Variants in STING1 observed in about 807,000 individuals in gnomAD.
STING1 encodes the protein stimulator of interferon response cGAMP interactor 1, also known as stimulator of interferon genes protein.
In STING1, 19 loss-of-function variants were observed where a neutral mutation model predicts 31.6. That is an observed-to-expected ratio of 0.60 (90% CI 0.42 to 0.88). The LOEUF (loss-of-function observed/expected upper bound fraction) is 0.88, where lower values mean the gene tolerates loss of function less well. STING1 is among the 40% of genes least tolerant of loss of function. The probability of loss-of-function intolerance (pLI) is 0.00; values close to 1 mark genes in which losing one functional copy is unlikely to be tolerated. For missense variants in STING1, 371 were observed against 483.7 expected, an observed-to-expected ratio of 0.77 and a Z score of 2.19; for synonymous variants, 200 against 208.6, an observed-to-expected ratio of 0.96 and a Z score of 0.35.
rs1181005191 is a variant in STING1, at chr5:139,481,979, G to A, written c.-1+231C>T. ...ACAGGTGTGGTGAAGAAAGAAGGCA[G>A]CAACTATCCCAGACCCAGACTTGAA... On this transcript the variant is annotated intron_variant, in intron 2 of 7. Transcript: ENST00000330794. This position sits in a 1 kb window ranked among gnomAD's most constrained non-coding sequence, Gnocchi z 4.1. The A allele has an allele frequency of 7.0e-6, 3 of 427,856 alleles. No individual in the cohort carries two copies. In the Admixed American group the frequency reaches 1.2e-4, roughly 17 times the overall value. The allele number at this position is 427,856 out of a possible 1,614,324, so 26.5% of individuals were successfully genotyped here.
At position 139,481,397 on chromosome 5, in the gene STING1, A is replaced by G; in HGVS notation, c.228-55T>C. ...AGCCCCCAGCCCAGCTCAGCCAGAG[A>G]GGTTCAAGGAGGGGCAGGGCTAGGC... On this transcript the variant is annotated intron_variant, in intron 3 of 7. Transcript: ENST00000330794. This position sits in a 1 kb window ranked among gnomAD's most constrained non-coding sequence, Gnocchi z 4.1. 6.3e-7 allele frequency: 1 copy of G among 1,582,002 alleles called. No individual in the cohort carries two copies. The highest frequency in any genetic ancestry group is 1.2e-5 in the South Asian group (1 of 85,172).
rs1180165520 is a variant in STING1 at position 139,477,315 on chromosome 5, T to C, written c.946+14A>G. ...CCTCCAGCCTATCAACCCCTCACCC[T>C]ACCAACCCCTCACCCTGGTAGGCAA... is the stretch of plus-strand genomic sequence containing the variant. On this transcript the variant is annotated intron_variant, in intron 7 of 7. Coordinates refer to ENST00000330794, the MANE Select transcript of STING1 (RefSeq NM_198282.4). 6.2e-7 allele frequency: 1 copy of C among 1,612,288 alleles called. No individual in the cohort carries two copies. Among genetic ancestry groups the C allele is most frequent in the Admixed American group, 1.7e-5 (1 of 59,908 alleles).
rs977368089 is a variant in STING1, at chr5:139,476,174, G to C, written c.*87C>G. ...GCAAGGCCCCCTGTGGAAGGAAATA[G>C]CTCTGCTGGACATTCAGCCACTGAA... is the stretch of plus-strand genomic sequence containing the variant. On this transcript the variant is annotated 3_prime_UTR_variant, in exon 8 of 8. Transcript: ENST00000330794. 1 of 1,081,610 alleles carries C rather than the reference G, an allele frequency of 9.2e-7. No homozygotes were observed. The highest frequency in any genetic ancestry group is 1.3e-6 in the Non-Finnish European group (1 of 753,342). 67.0% of individuals were successfully genotyped at this position (1,081,610 alleles called of 1,614,324 possible).
At position 139,478,276 on chromosome 5, in the gene STING1, C is replaced by T; in HGVS notation, c.753G>A (p.Gly251=). 1 of 1,612,538 alleles carries T rather than the reference C, an allele frequency of 6.2e-7. No individual in the cohort carries two copies. The highest frequency in any genetic ancestry group is 8.5e-7 in the Non-Finnish European group (1 of 1,178,958). The change falls in exon 6 of 8, where the codon GGG becomes GGA. Residue 251 remains glycine (G), a synonymous_variant. Coordinates refer to ENST00000330794, the MANE Select transcript of STING1 (RefSeq NM_198282.4). ...SNSIYELLEN[G]QRAGTCVLEY... Reference sequence around the variant, plus strand: ...CACTCCCCTGCACACTTACCCGCTGCCCGTTCTCCAGAAGCTCATAGATGC... The same window carrying T: ...CACTCCCCTGCACACTTACCCGCTGTCCGTTCTCCAGAAGCTCATAGATGC...
chr5:139,477,190 A>T, intron 7 of STING1, 139 bp downstream of exon 7: 1 of 872,796 alleles, frequency 1.1e-6, no homozygotes, highest in Non-Finnish European at 1.8e-6. Flanking sequence ...TGCTGGGAAG[A>T]GGGGGCTTCT....
chr5:139,480,576 T>C (rs73257333), intron 5 of STING1, among the ~76,000 whole-genome samples: 2,535 of 152,284 alleles, frequency 0.017, 70 homozygotes, highest in African/African-American at 0.059. Context: ...ACAAGTGACC[T>C]TGGGCAAGTC....
Position 139,481,413 on chromosome 5 carries a change from A to T in STING1, c.227+65T>A. 1 of 1,589,362 alleles carries T rather than the reference A, an allele frequency of 6.3e-7. No individual in the cohort carries two copies. The highest frequency in any genetic ancestry group is 8.6e-7 in the Non-Finnish European group (1 of 1,164,904). On this transcript the variant is annotated intron_variant, in intron 3 of 7. Transcript: ENST00000330794. This position sits in a 1 kb window ranked among gnomAD's most constrained non-coding sequence, Gnocchi z 4.1. The stretch of plus-strand genomic sequence containing the variant: ...CAGCCAGAGAGGTTCAAGGAGGGGC[A>T]GGGCTAGGCATCAAGGGAGTGACAC...
intron 5 of STING1, 48 bp from the exon 6 acceptor site, chr5:139,478,556 A>G: frequency 6.5e-7 from 1 of 1,541,318 alleles, no homozygotes; most frequent in Non-Finnish European, 8.9e-7. Flanking sequence ...CCTATCTCCC[A>G]CCTGATTCAG....
chr5:139,480,950 ACTC>A (rs756883159), intron 4 of STING1, 52 bp from the exon 5 acceptor site: 256 of 1,427,110 alleles, frequency 1.8e-4, no homozygotes, highest in Admixed American at 7.0e-4. Context: ...CACCCAGAGA[ACTC>A]CTCCTCCTCC....
chr5:139,480,748 T>G, intron 5 of STING1, 42 bp downstream of exon 5: 1 of 1,278,704 alleles, frequency 7.8e-7, no homozygotes, highest in Non-Finnish European at 1.1e-6. Context: ...TCTTAGTGTC[T>G]GTTTTGTAGA....
At chr5:139,482,097 A>C (rs1335457852) in intron 2 of STING1, 113 bp downstream of exon 2, 2 of 163,732 alleles carry the variant, frequency 1.2e-5, no homozygotes, top group Non-Finnish European at 2.6e-5. Context: ...TTAGTCAACA[A>C]AGTGGAAAAC....
In STING1 at chr5:139,476,139, A is replaced by G. The variant is rs553412434; in HGVS notation, c.*122T>C. The G allele has an allele frequency of 2.0e-4, 149 of 756,790 alleles. 1 individual carries two copies. In the East Asian group the frequency reaches 4.0e-3, roughly 20 times the overall value. 46.9% of individuals were successfully genotyped at this position (756,790 alleles called of 1,614,324 possible). On this transcript the variant is annotated 3_prime_UTR_variant, in exon 8 of 8. Coordinates refer to ENST00000330794, the MANE Select transcript of STING1 (RefSeq NM_198282.4). ...CGCATCTTAAGATGTCAAGTCCTGG[A>G]CCCTTCCCTGCAAGGCCCCCTGTGG...
In STING1 at chr5:139,481,084, G is replaced by C; in HGVS notation, c.411+75C>G. ...AGCCTTTAAACCAGTCCCACTCCCA[G>C]TACTCAGCTCAGGGCAGGTCACACC... On this transcript the variant is annotated intron_variant, in intron 4 of 7. Coordinates refer to ENST00000330794, the MANE Select transcript of STING1 (RefSeq NM_198282.4). This position sits in a 1 kb window ranked among gnomAD's most constrained non-coding sequence, Gnocchi z 4.1. 1 of 1,468,048 alleles carries C rather than the reference G, an allele frequency of 6.8e-7. No individual in the cohort carries two copies. The highest frequency in any genetic ancestry group is 9.5e-7 in the Non-Finnish European group (1 of 1,049,808). 90.9% of individuals were successfully genotyped at this position (1,468,048 alleles called of 1,614,324 possible). A position where few individuals can be genotyped will look rare whatever the true frequency, so the allele number is the denominator to read the frequency against.
At position 139,481,884 on chromosome 5, in the gene STING1, G is replaced by C. The variant is rs938062785; in HGVS notation, c.1-180C>G. 8 of 592,172 alleles carry C rather than the reference G, an allele frequency of 1.4e-5. No homozygotes were observed. In the Admixed American group the frequency reaches 2.1e-4, roughly 16 times the overall value. The allele number at this position is 592,172 out of a possible 1,614,324, so 36.7% of individuals were successfully genotyped here. A position where few individuals can be genotyped will look rare whatever the true frequency, so the allele number is the denominator to read the frequency against. The stretch of plus-strand genomic sequence containing the variant: ...GGGAATAAGTCACCCCAAAGCTCCT[G>C]TCTCAGCGAGGTTTGCTGAAAACAG... On this transcript the variant is annotated intron_variant, in intron 2 of 7. Transcript: ENST00000330794. The surrounding 1 kb of genome is among the most constrained non-coding windows in gnomAD (Gnocchi z 4.1).
rs144010323 is a variant in STING1 at position 139,478,370 on chromosome 5, C to T, written c.659G>A (p.Arg220His). The T allele has an allele frequency of 7.9e-4, 1,272 of 1,614,130 alleles. 11 individuals carry two copies. The African/African-American group carries it at 0.014, about 18-fold the overall frequency. The stretch of plus-strand genomic sequence containing the variant: ...CTGCTGGGGCAGTTTATCCAGGAAG[C>T]GAATGTTGGGGTCAGCCATACTCAG... ...DNLSMADPNI[R>H]FLDKLPQQTG... Residue 220 changes from arginine to histidine, a missense_variant, in exon 6 of 8, where the codon CGC (arginine) becomes CAC (histidine). Physicochemically the swap from Arg to His is conservative, Grantham distance 29. Coordinates refer to ENST00000330794, the MANE Select transcript of STING1 (RefSeq NM_198282.4).
rs1274982055 is a variant in STING1 at position 139,476,464 on chromosome 5, G to A, written c.947-10C>T. On this transcript the variant is annotated splice_polypyrimidine_tract_variant and intron_variant, in intron 7 of 7. Transcript: ENST00000330794. ...CTGTCATCTGCAGGTTCTGGAACAG[G>A]GAGATAGGGGAGAGAGTAATGAGGA... 1 of 1,610,890 alleles carries A rather than the reference G, an allele frequency of 6.2e-7. No homozygotes were observed. Among genetic ancestry groups the A allele is most frequent in the Admixed American group, 1.7e-5 (1 of 59,938 alleles).
At chr5:139,482,147 C>T (rs1472525945) in intron 2 of STING1, 63 bp downstream of exon 2, 1 of 154,486 alleles carries the variant, frequency 6.5e-6, no homozygotes, top group African/African-American at 2.4e-5. Flanking sequence ...AGCAGGCACC[C>T]CCTCGCCTCT....
rs1435681141 is a variant in STING1, at chr5:139,477,495, C to T, written c.780G>A (p.Glu260=). The T allele has an allele frequency of 1.2e-6, 2 of 1,614,050 alleles. No individual in the cohort carries two copies. Among genetic ancestry groups the T allele is most frequent in the Non-Finnish European group, 1.7e-6 (2 of 1,179,934 alleles). Residue 260 remains glutamate (E), a synonymous_variant, in exon 7 of 8, where the codon GAG becomes GAA. Coordinates refer to ENST00000330794, the MANE Select transcript of STING1 (RefSeq NM_198282.4). The stretch of plus-strand genomic sequence containing the variant: ...ACAAAGTCTGCAAGGGGGTGGCGTA[C>T]TCCAGGACACAGGTGCCCGCCTAGA... ...NGQRAGTCVL[E]YATPLQTLFA...
chr5:139,476,193 C>T lies in STING1; in HGVS notation c.*68G>A, dbSNP rs923915871. ...GAAATAGCTCTGCTGGACATTCAGC[C>T]ACTGAAGAGAGCCCCCAGTCCAGAG... On this transcript the variant is annotated 3_prime_UTR_variant, in exon 8 of 8. Coordinates refer to ENST00000330794, the MANE Select transcript of STING1 (RefSeq NM_198282.4). 38 of 1,274,286 alleles carry T rather than the reference C, an allele frequency of 3.0e-5. No individual in the cohort carries two copies. The Admixed American group carries it at 8.8e-4, about 30-fold the overall frequency. The allele number at this position is 1,274,286 out of a possible 1,614,324, so 78.9% of individuals were successfully genotyped here. A position where few individuals can be genotyped will look rare whatever the true frequency, so the allele number is the denominator to read the frequency against.
Sources: gnomAD v4.1 joint callset for allele counts (sites outside exome capture counted in the v4.1 genomes callset) on GRCh38, gnomAD v4.1.1 for gene constraint, Gnocchi (gnomAD v3.1) non-coding constraint, MANE v1.5 for transcripts, NCBI Gene and HGNC (gene_info 2026-07-23, HGNC 2026-07-21) for gene names.